Variants in ALDH2 observed in about 807,000 individuals in gnomAD.
The protein encoded by ALDH2 is aldehyde dehydrogenase, mitochondrial.
A neutral mutation model predicts 59.6 loss-of-function variants in ALDH2; 44 were observed. The observed-to-expected ratio is 0.74, with a 90% confidence interval of 0.58 to 0.95. The LOEUF is 0.95. Ranked by LOEUF, ALDH2 falls within the 40% of genes least tolerant of loss-of-function variation. The pLI, the probability that ALDH2 is intolerant of heterozygous loss-of-function variation, is 0.00. For synonymous variants in ALDH2, 291 were observed against 284.0 expected (o/e 1.02, Z -0.25); for missense variants, 570 against 696.3 (o/e 0.82, Z 2.04).
At chr12:111,796,263 G>A (rs1382751888) in intron 9 of ALDH2, among the ~76,000 whole-genome samples, 1 of 151,954 alleles carries the variant, frequency 6.6e-6, no homozygotes, top group Non-Finnish European at 1.5e-5. Flanking sequence ...CGCAGGTTGT[G>A]GTGAGCCAAA....
In ALDH2 at chr12:111,792,244, C is replaced by A. The variant is rs890344656; in HGVS notation, c.898+81C>A. ...TGTGGCTCCAGCCGATCCTGTCGCCCCCCCAGTGCCCAATGGCGTTGGTTG... is the reference window on the plus strand; with the variant it reads ...TGTGGCTCCAGCCGATCCTGTCGCCACCCCAGTGCCCAATGGCGTTGGTTG... On this transcript the variant is annotated intron_variant, in intron 8 of 12. Transcript: ENST00000261733. The A allele has an allele frequency of 5.6e-5, 61 of 1,086,594 alleles. 3 individuals carry two copies. The South Asian group carries it at 7.4e-4, about 13-fold the overall frequency. 67.3% of individuals were successfully genotyped at this position (1,086,594 alleles called of 1,614,324 possible).
chr12:111,794,014 ATTTTTTTTTT>A (rs543884211), intron 9 of ALDH2, among the ~76,000 whole-genome samples: 1 of 102,932 alleles, frequency 9.7e-6, no homozygotes, highest in South Asian at 3.1e-4. Context: ...GCAACCACTG[ATTTTTTTTTT>A]TTTTTTTTTT....
chr12:111,790,332 G>T, intron 5 of ALDH2, 102 bp from the exon 6 acceptor site: 1 of 1,490,020 alleles, frequency 6.7e-7, no homozygotes, highest in South Asian at 1.2e-5. Context: ...AGGGTTCAGA[G>T]AACTCGGTGC....
intron 6 of ALDH2, 46 bp downstream of exon 6, chr12:111,790,608 G>T (rs1322642440): frequency 1.2e-6 from 2 of 1,613,438 alleles, no homozygotes; most frequent in Admixed American, 1.7e-5. Flanking sequence ...CCTTGTTGAG[G>T]CTTGTTCTAA....
chr12:111,803,216 A>G (rs2068468059), intron 11 of ALDH2, among the ~76,000 whole-genome samples: 2 of 150,936 alleles, frequency 1.3e-5, no homozygotes, highest in Non-Finnish European at 3.0e-5. Context: ...ATAATAATAA[A>G]TAAAAATAAA....
intron 1 of ALDH2, 125 bp from the exon 2 acceptor site, chr12:111,781,793 G>T (rs1593073402): frequency 2.9e-6 from 2 of 684,928 alleles, no homozygotes; most frequent in East Asian, 5.7e-5. Context: ...CTTTTCATTT[G>T]TAGGCTACAC....
Position 111,792,048 on chromosome 12 carries a change from T to C in ALDH2, c.796-13T>C. The C allele has an allele frequency of 6.4e-7, 1 of 1,572,552 alleles. No individual in the cohort carries two copies. On this transcript the variant is annotated splice_polypyrimidine_tract_variant and intron_variant, in intron 7 of 12. Coordinates refer to ENST00000261733, the MANE Select transcript of ALDH2 (RefSeq NM_000690.4). ...GGCACTGAGAGCTTGTTCCTGTCTT[T>C]CTGTCCCCACAGATTGGCCGCGTAA...
chr12:111,809,781 C>T lies in ALDH2; in HGVS notation c.*206C>T, dbSNP rs887314934. On this transcript the variant is annotated 3_prime_UTR_variant, in exon 13 of 13. Coordinates refer to ENST00000261733, the MANE Select transcript of ALDH2 (RefSeq NM_000690.4). The stretch of plus-strand genomic sequence containing the variant: ...AAGAGTATATGAGGAACCTTTTAAA[C>T]GACAACAATACTGCTAGCTTTCAGG... 90 of 590,612 alleles carry T rather than the reference C, an allele frequency of 1.5e-4. 1 individual carries two copies. Among genetic ancestry groups the T allele is most frequent in the African/African-American group, 2.8e-4 (15 of 53,416 alleles). The allele number at this position is 590,612 out of a possible 1,614,324, so 36.6% of individuals were successfully genotyped here. A position where few individuals can be genotyped will look rare whatever the true frequency, so the allele number is the denominator to read the frequency against.
chr12:111,783,591 C>T (rs1212249420), intron 3 of ALDH2, among the ~76,000 whole-genome samples: 1 of 152,194 alleles, frequency 6.6e-6, no homozygotes, highest in East Asian at 1.9e-4. Flanking sequence ...CTCACTGCAA[C>T]CTCCACCTCC....
At chr12:111,794,741 A>G (rs2068389692) in intron 9 of ALDH2, among the ~76,000 whole-genome samples, 1 of 151,136 alleles carries the variant, frequency 6.6e-6, no homozygotes. Flanking sequence ...TGCTGGGCTC[A>G]AGCAATCCTC....
At chr12:111,802,366 C>T (rs1330187742) in intron 11 of ALDH2, among the ~76,000 whole-genome samples, 2 of 145,328 alleles carry the variant, frequency 1.4e-5, no homozygotes, top group Admixed American at 7.1e-5. Context: ...GAGTTGAGAT[C>T]GTGCCATTGC....
At chr12:111,776,698 A>ATT (rs879591727) in intron 1 of ALDH2, among the ~76,000 whole-genome samples, 1 of 146,146 alleles carries the variant, frequency 6.8e-6, no homozygotes, top group African/African-American at 2.5e-5. Flanking sequence ...TCAGAATAAA[A>ATT]TTTTTTTTTT....
intron 1 of ALDH2, among the ~76,000 whole-genome samples, chr12:111,776,816 C>T (rs2068238253): frequency 6.6e-6 from 1 of 151,924 alleles, no homozygotes; most frequent in Non-Finnish European, 1.5e-5. Context: ...TGTCGAGTAG[C>T]TGGGATTACA....
rs768761406 is a variant in ALDH2 at position 111,783,290 on chromosome 12, T to C, written c.352T>C (p.Tyr118His). ...LADLIERDRT[Y>H]LAALETLDNG... Reference sequence around the variant, plus strand: ...CGATCTGATCGAGCGGGACCGGACCTACCTGGCGGTGAGTCCTCAGCCCTT... The same window carrying C: ...CGATCTGATCGAGCGGGACCGGACCCACCTGGCGGTGAGTCCTCAGCCCTT... Residue 118 changes from tyrosine to histidine, a missense_variant, in exon 3 of 13, where the codon TAC (tyrosine) becomes CAC (histidine). Tyr to His is a moderately conservative substitution (Grantham distance 83). Coordinates refer to ENST00000261733, the MANE Select transcript of ALDH2 (RefSeq NM_000690.4). 22 of 1,605,914 alleles carry C rather than the reference T, an allele frequency of 1.4e-5. No individual in the cohort carries two copies. The highest frequency in any genetic ancestry group is 1.8e-5 in the Non-Finnish European group (21 of 1,174,578).
At chr12:111,777,085 G>T (rs907895023) in intron 1 of ALDH2, among the ~76,000 whole-genome samples, 1 of 152,162 alleles carries the variant, frequency 6.6e-6, no homozygotes, top group African/African-American at 2.4e-5. Context: ...GGCAGACCTG[G>T]GCTATGGCTG....
chr12:111,773,883 A>G (rs1245522488), intron 1 of ALDH2, among the ~76,000 whole-genome samples: 1 of 152,186 alleles, frequency 6.6e-6, no homozygotes, highest in South Asian at 2.1e-4. Context: ...TTACGAAACC[A>G]TGTTTACAGT....
chr12:111,809,442 G>A, intron 12 of ALDH2, 101 bp from the exon 13 acceptor site: 2 of 1,354,956 alleles, frequency 1.5e-6, no homozygotes, highest in Non-Finnish European at 2.1e-6. Context: ...GAGAAAAAAA[G>A]AAAAGCCCTT....
intron 4 of ALDH2, 117 bp from the exon 5 acceptor site, chr12:111,789,706 G>T: frequency 1.1e-6 from 1 of 873,596 alleles, no homozygotes. Context: ...TAAGCCAAAA[G>T]CAAAGACAGT....
rs145146138 is a variant in ALDH2, at chr12:111,801,373, A to G, written c.1406+1310A>G. ...TATCAGTAGCCATGCATGCAATAGC[A>G]TGGATTAATCTTGAACATAACATTG... On this transcript the variant is annotated intron_variant, in intron 11 of 12. Coordinates refer to ENST00000261733, the MANE Select transcript of ALDH2 (RefSeq NM_000690.4). Among the ~76,000 whole-genome samples the G allele has an allele frequency of 2.7e-3, 418 of 152,284 alleles. 1 individual carries two copies. The highest frequency in any genetic ancestry group is 3.9e-3 in the Non-Finnish European group (262 of 68,022).
Sources: gnomAD v4.1 joint callset for allele counts (sites outside exome capture counted in the v4.1 genomes callset) on GRCh38, gnomAD v4.1.1 for gene constraint, MANE v1.5 for transcripts, NCBI Gene and HGNC (gene_info 2026-07-23, HGNC 2026-07-21) for gene names.